VMP1: variants seen among roughly 807,000 people sequenced by gnomAD.
The protein encoded by VMP1 is ectopic P-granules autophagy protein 3 homolog.
VMP1 carries 11 observed loss-of-function variants against 56.0 expected under a neutral mutation model. The observed-to-expected ratio is 0.20, with a 90% CI of 0.12 to 0.32. VMP1 has a LOEUF of 0.32. VMP1 is among the 10% of genes least tolerant of loss of function. VMP1 has a pLI of 1.00. For missense variants in VMP1, 296 were observed against 490.3 expected (o/e 0.60, Z 3.74); for synonymous variants, 149 against 165.0 (o/e 0.90, Z 0.74).
intron 5 of VMP1, among the ~76,000 whole-genome samples, chr17:59,764,762 T>G (rs1464548670): frequency 2.0e-5 from 3 of 152,164 alleles, no homozygotes; most frequent in Non-Finnish European, 4.4e-5. Flanking sequence ...CCTCAATAAA[T>G]CTGATTTTTT....
chr17:59,766,440 G>T (rs1400882586), intron 6 of VMP1, among the ~76,000 whole-genome samples: 1 of 152,124 alleles, frequency 6.6e-6, no homozygotes, highest in African/African-American at 2.4e-5. Flanking sequence ...GGAAGTAGGG[G>T]TTGCAGTGAA....
intron 1 of VMP1, among the ~76,000 whole-genome samples, chr17:59,713,618 T>A (rs947468047): frequency 3.4e-5 from 5 of 148,128 alleles, no homozygotes; most frequent in Non-Finnish European, 7.4e-5. Flanking sequence ...GAGGCTGAGG[T>A]GGGTGGATCG....
chr17:59,793,968 T>C (rs932888918), intron 7 of VMP1, among the ~76,000 whole-genome samples: 8 of 151,584 alleles, frequency 5.3e-5, no homozygotes, highest in Admixed American at 3.9e-4. Context: ...TTGCCCAGGC[T>C]GGAGTGCAGT....
At chr17:59,763,333 A>C (rs1293615415) in intron 5 of VMP1, among the ~76,000 whole-genome samples, 1 of 152,070 alleles carries the variant, frequency 6.6e-6, no homozygotes, top group African/African-American at 2.4e-5. Flanking sequence ...ATGATTGTAG[A>C]TTTCATGGTT....
chr17:59,708,779 G>A (rs555104709), intron 1 of VMP1, among the ~76,000 whole-genome samples: 3 of 152,282 alleles, frequency 2.0e-5, no homozygotes, highest in African/African-American at 4.8e-5. Flanking sequence ...GATGATGAAA[G>A]GAAGAAACTT....
chr17:59,708,499 AC>A (rs1263455203), intron 1 of VMP1, among the ~76,000 whole-genome samples: 2 of 152,130 alleles, frequency 1.3e-5, no homozygotes, highest in South Asian at 2.1e-4. Context: ...TCTTTTATTT[AC>A]CTGCAACTCC....
At chr17:59,719,862 T>C (rs1265983982) in intron 1 of VMP1, among the ~76,000 whole-genome samples, 1 of 152,224 alleles carries the variant, frequency 6.6e-6, no homozygotes, top group African/African-American at 2.4e-5. Flanking sequence ...CCACATTTAA[T>C]GTTAACTCTG....
intron 10 of VMP1, chr17:59,834,190 C>G (rs948582749): frequency 6.6e-6 from 1 of 152,186 alleles, no homozygotes; most frequent in Non-Finnish European, 1.5e-5. Flanking sequence ...CTCCTGACCT[C>G]AAGTGATCCG....
chr17:59,761,456 G>C (rs2036051888), intron 5 of VMP1, among the ~76,000 whole-genome samples: 1 of 152,182 alleles, frequency 6.6e-6, no homozygotes, highest in Non-Finnish European at 1.5e-5. Context: ...ATTGATGTGG[G>C]GGGAGGGTGA....
intron 7 of VMP1, among the ~76,000 whole-genome samples, chr17:59,789,816 C>T (rs572870588): frequency 2.7e-5 from 4 of 146,434 alleles, no homozygotes; most frequent in Non-Finnish European, 6.0e-5. Context: ...TTTCTTCCTT[C>T]CTTCCTTTCT....
At chr17:59,749,013 G>A (rs1013976706) in intron 5 of VMP1, among the ~76,000 whole-genome samples, 2 of 150,852 alleles carry the variant, frequency 1.3e-5, no homozygotes, top group Admixed American at 6.6e-5. Flanking sequence ...GCAGTGGTGC[G>A]ATCTCGGCTC....
Position 59,841,107 on chromosome 17 carries a change from G to GCATTATGAA in VMP1, c.*1203_*1204insAACATTATG. 5.0e-6 allele frequency: 1 copy of GCATTATGAA among 198,622 alleles called. No individual in the cohort carries two copies. 12.3% of individuals were successfully genotyped at this position (198,622 alleles called of 1,614,324 possible). On this transcript the variant is annotated 3_prime_UTR_variant, in exon 12 of 12. Coordinates refer to ENST00000262291, the MANE Select transcript of VMP1 (RefSeq NM_030938.5). ...CTTTTTTCCTTTAGGAGCATTATGA[G>GCATTATGAA]CATTATGTCAGAATAGAATAGAATT...
At chr17:59,756,281 A>C (rs2035840148) in intron 5 of VMP1, among the ~76,000 whole-genome samples, 1 of 152,230 alleles carries the variant, frequency 6.6e-6, no homozygotes, top group Admixed American at 6.5e-5. Context: ...GAAAGAAAAC[A>C]AAGGTTTTGC....
intron 1 of VMP1, among the ~76,000 whole-genome samples, chr17:59,730,730 A>G (rs1315027728): frequency 6.6e-6 from 1 of 152,196 alleles, no homozygotes; most frequent in African/African-American, 2.4e-5. Flanking sequence ...ATCACAGGCA[A>G]TCTGGTTTTT....
At chr17:59,809,253 T>G (rs2144215630) in intron 8 of VMP1, among the ~76,000 whole-genome samples, 1 of 141,408 alleles carries the variant, frequency 7.1e-6, no homozygotes, top group East Asian at 2.1e-4. Context: ...TGCCTCGGCC[T>G]CCCAAAGTGC....
intron 8 of VMP1, among the ~76,000 whole-genome samples, chr17:59,809,470 A>C (rs2144217725): frequency 1.7e-5 from 2 of 116,416 alleles, no homozygotes; most frequent in South Asian, 2.8e-4. Context: ...GGCGACTGCC[A>C]CCACACCCAG....
At chr17:59,748,195 CAAAAAAAAA>C (rs36016640) in intron 5 of VMP1, among the ~76,000 whole-genome samples, 1 of 103,148 alleles carries the variant, frequency 9.7e-6, no homozygotes, top group Non-Finnish European at 1.9e-5. Flanking sequence ...GACTCCGTCT[CAAAAAAAAA>C]AAAAAAAAAA....
intron 1 of VMP1, 186 bp from the exon 2 acceptor site, chr17:59,731,235 A>G (rs1026924461): frequency 9.3e-6 from 3 of 321,132 alleles, no homozygotes; most frequent in Admixed American, 5.4e-5. Flanking sequence ...TAGAATATCT[A>G]TATAAATTGT....
intron 4 of VMP1, among the ~76,000 whole-genome samples, chr17:59,737,974 G>C (rs1207539327): frequency 6.6e-6 from 1 of 152,074 alleles, no homozygotes; most frequent in African/African-American, 2.4e-5. Context: ...GTTTTGCCAT[G>C]TTGGCCAGGC....
Sources: gnomAD v4.1 joint callset for allele counts (sites outside exome capture counted in the v4.1 genomes callset) on GRCh38, gnomAD v4.1.1 for gene constraint, MANE v1.5 for transcripts, NCBI Gene and HGNC (gene_info 2026-07-23, HGNC 2026-07-21) for gene names.